The following ADGRL2 variants were observed in gnomAD, a reference collection of about 807,000 sequenced individuals.
The protein encoded by ADGRL2 is adhesion G protein-coupled receptor L2, also known as calcium-independent alpha-latrotoxin receptor 2.
Under a neutral mutation model 157.4 loss-of-function variants are expected in ADGRL2, and 44 were observed. The observed-to-expected ratio is 0.28, with a 90% CI of 0.22 to 0.36. ADGRL2 has a LOEUF of 0.36. Among genes scored for constraint, ADGRL2 ranks in the 10% least tolerant of loss-of-function variants. The pLI is 1.00. For synonymous variants in ADGRL2, 585 were observed against 624.7 expected (o/e 0.94, Z 0.95); for missense variants, 1,510 against 1,768.9 (o/e 0.85, Z 2.63).
At chr1:81,547,170 C>T (rs1455178070) in intron 2 of ADGRL2, among the ~76,000 whole-genome samples, 1 of 152,162 alleles carries the variant, frequency 6.6e-6, no homozygotes, top group Non-Finnish European at 1.5e-5. Context: ...TCACAGGACA[C>T]TCAGAAAAGC....
chr1:81,738,443 A>G (rs541592318), intron 1 of ADGRL2, among the ~76,000 whole-genome samples: 100 of 152,328 alleles, frequency 6.6e-4, no homozygotes, highest in Middle Eastern at 6.8e-3. Flanking sequence ...CGTTTCCACA[A>G]ATTTCTAGAG....
chr1:81,734,772 A>G lies in ADGRL2; in HGVS notation c.-142-27039A>G, dbSNP rs564526135. On this transcript the variant is annotated intron_variant, in intron 1 of 20. Transcript: ENST00000359929. ...AGTTGGCCAGGCCATGGTGGCTCACACCTGTAATCCCAGCACTTTGGGAGG... is the reference window on the plus strand; with the variant it reads ...AGTTGGCCAGGCCATGGTGGCTCACGCCTGTAATCCCAGCACTTTGGGAGG... Among the ~76,000 whole-genome samples, 385 of 149,404 alleles carry G rather than the reference A, an allele frequency of 2.6e-3. 28 individuals carry two copies. Among genetic ancestry groups the G allele is most frequent in the Non-Finnish European group, 4.5e-3 (302 of 66,700 alleles).
chr1:81,511,377 GA>G (rs1160303114), intron 2 of ADGRL2, among the ~76,000 whole-genome samples: 2,943 of 60,722 alleles, frequency 0.048, 57 homozygotes, highest in African/African-American at 0.1. Flanking sequence ...CCTTGTCTCA[GA>G]AAAAAAAAAA....
At chr1:81,798,535 A>G (rs764805916), upstream of ADGRL2, among the ~76,000 whole-genome samples, 2 of 152,124 alleles carry the variant, frequency 1.3e-5, no homozygotes, top group Non-Finnish European at 2.9e-5. Context: ...TACACATCCT[A>G]TTGAAATAAG....
intron 1 of ADGRL2, among the ~76,000 whole-genome samples, chr1:81,310,467 T>A (rs1173232575): frequency 6.6e-6 from 1 of 152,160 alleles, no homozygotes; most frequent in African/African-American, 2.4e-5. Context: ...GTGGCAGAAG[T>A]TTGCAGAACA....
At position 81,868,097 on chromosome 1, in the gene ADGRL2, TAAA is replaced by T. The variant is rs1201164707; in HGVS notation, c.73+31043_73+31045del. ...TGTGTGTGTGTGTGTGTGTGTGTGA[TAAA>T]AATTATTTTCCTTTTACATTGAAGA... On this transcript the variant is annotated intron_variant, in intron 2 of 23. Coordinates refer to ENST00000686636, the MANE Select transcript of ADGRL2 (RefSeq NM_001366006.2). 3.8e-5 allele frequency among the ~76,000 whole-genome samples: 4 copies of T among 104,208 alleles called. No individual in the cohort carries two copies. In the East Asian group the frequency reaches 1.0e-3, roughly 27 times the overall value. The allele number at this position is 104,208 out of a possible 152,430, so 68.4% of individuals were successfully genotyped here.
chr1:81,855,668 G>A (rs551452543), intron 2 of ADGRL2, among the ~76,000 whole-genome samples: 13 of 152,104 alleles, frequency 8.5e-5, no homozygotes, highest in Admixed American at 7.9e-4. Flanking sequence ...TCGGACATTG[G>A]ATTTGAATGT....
intron 2 of ADGRL2, among the ~76,000 whole-genome samples, chr1:81,887,563 A>T (rs901781142): frequency 3.9e-5 from 6 of 152,212 alleles, no homozygotes; most frequent in African/African-American, 1.4e-4. Context: ...TACTTAAGGA[A>T]TGCAGTAAAA....
At chr1:81,988,413 A>G (rs943226226) in intron 23 of ADGRL2, 5 of 152,192 alleles carry the variant, frequency 3.3e-5, no homozygotes, top group Admixed American at 1.3e-4. Context: ...TACAGAGGAA[A>G]CAAATGCTAG....
upstream of ADGRL2, among the ~76,000 whole-genome samples, chr1:81,797,385 A>C (rs1258418167): frequency 2.0e-5 from 3 of 152,122 alleles, no homozygotes; most frequent in Admixed American, 6.5e-5. Context: ...AATAGATACA[A>C]CCGTCCCTCC....
intron 1 of ADGRL2, among the ~76,000 whole-genome samples, chr1:81,318,907 A>ATCC (rs1477389130): frequency 9.2e-6 from 1 of 108,758 alleles, no homozygotes; most frequent in East Asian, 2.9e-4. Flanking sequence ...TAGTCATTTT[A>ATCC]TCCTCCATCC....
Position 81,801,475 on chromosome 1 carries a change from T to G in ADGRL2, c.-101+407T>G, listed in dbSNP as rs2088121772. 2.6e-5 allele frequency among the ~76,000 whole-genome samples: 4 copies of G among 152,188 alleles called. No homozygotes were observed. In the South Asian group the frequency reaches 6.2e-4, roughly 24 times the overall value. On this transcript the variant is annotated intron_variant, in intron 1 of 23. Coordinates refer to ENST00000686636, the MANE Select transcript of ADGRL2 (RefSeq NM_001366006.2). Reference sequence around the variant, plus strand: ...TCCGCTCACACACACGCAGAGGTGCTGGGGCGAAATCGGGAGCTTACCAGA... The same window carrying G: ...TCCGCTCACACACACGCAGAGGTGCGGGGGCGAAATCGGGAGCTTACCAGA...
At chr1:81,705,893 A>T (rs2149052240) in intron 1 of ADGRL2, among the ~76,000 whole-genome samples, 1 of 152,086 alleles carries the variant, frequency 6.6e-6, no homozygotes, top group East Asian at 2.0e-4. Context: ...CCTAAGAGAC[A>T]GAGCAAGACC....
chr1:81,492,011 C>T (rs955050697), intron 2 of ADGRL2, among the ~76,000 whole-genome samples: 16 of 152,030 alleles, frequency 1.1e-4, no homozygotes, highest in Admixed American at 2.6e-4. Flanking sequence ...CCATAGAGGC[C>T]CTCATCTTCA....
At chr1:81,743,933 G>A (rs2085158889) in intron 1 of ADGRL2, among the ~76,000 whole-genome samples, 1 of 152,038 alleles carries the variant, frequency 6.6e-6, no homozygotes, top group Non-Finnish European at 1.5e-5. Flanking sequence ...ATAAAGATAA[G>A]CAATGAAATG....
At chr1:81,677,797 T>C (rs1460198005) in intron 3 of ADGRL2, among the ~76,000 whole-genome samples, 1 of 152,164 alleles carries the variant, frequency 6.6e-6, no homozygotes. Context: ...TGCAATCACA[T>C]TATCCTTCTG....
intron 2 of ADGRL2, among the ~76,000 whole-genome samples, chr1:81,480,821 C>G (rs1176330087): frequency 6.6e-6 from 1 of 152,104 alleles, no homozygotes; most frequent in Non-Finnish European, 1.5e-5. Flanking sequence ...GGAATTTACC[C>G]CACTCAGCAC....
intron 1 of ADGRL2, among the ~76,000 whole-genome samples, chr1:81,825,921 T>G (rs2091439459): frequency 6.6e-6 from 1 of 152,130 alleles, no homozygotes; most frequent in African/African-American, 2.4e-5. Flanking sequence ...TTGAGATTTT[T>G]GCAGATGTTC....
At chr1:81,419,316 G>A (rs2077086350) in intron 1 of ADGRL2, among the ~76,000 whole-genome samples, 1 of 152,136 alleles carries the variant, frequency 6.6e-6, no homozygotes, top group Admixed American at 6.5e-5. Flanking sequence ...CAATTCTCCT[G>A]CCTCAGCCTC....
Sources: allele counts gnomAD v4.1 joint callset (sites outside exome capture counted in the v4.1 genomes callset), GRCh38; gene constraint gnomAD v4.1.1; transcripts MANE v1.5; gene names NCBI Gene and HGNC (gene_info 2026-07-23, HGNC 2026-07-21).